The following NEGR1 variants were observed in gnomAD, a reference collection of about 807,000 sequenced individuals.
The protein encoded by NEGR1 is IgLON family member 4.
In NEGR1, 10 loss-of-function variants were observed where a neutral mutation model predicts 40.9. The observed-to-expected ratio is 0.24, with a 90% confidence interval of 0.15 to 0.42. The LOEUF is 0.42. Among genes scored for constraint, NEGR1 ranks in the 10% least tolerant of loss-of-function variants. NEGR1 has a pLI of 1.00. For missense variants in NEGR1, 352 were observed against 438.9 expected (o/e 0.80, Z 1.77); for synonymous variants, 185 against 166.8 (o/e 1.11, Z -0.84).
intron 6 of NEGR1, among the ~76,000 whole-genome samples, chr1:71,525,545 G>A (rs994681848): frequency 2.6e-5 from 4 of 151,676 alleles, no homozygotes; most frequent in Admixed American, 1.3e-4. Context: ...CATTTATGCA[G>A]TGAGTTCAGT....
At chr1:71,865,017 A>G (rs1479174233) in intron 2 of NEGR1, among the ~76,000 whole-genome samples, 2 of 152,158 alleles carry the variant, frequency 1.3e-5, no homozygotes, top group Non-Finnish European at 2.9e-5. Flanking sequence ...CAGTTTTTAG[A>G]GAGGACAGTT....
chr1:71,789,745 C>T (rs1250342478), intron 2 of NEGR1, among the ~76,000 whole-genome samples: 1 of 152,074 alleles, frequency 6.6e-6, no homozygotes, highest in Non-Finnish European at 1.5e-5. Context: ...TGCTCTGGAG[C>T]TACCTCTCCA....
rs1358824115 is a variant in NEGR1, at chr1:72,157,118, T to C, written c.176+125201A>G. 2.6e-5 allele frequency among the ~76,000 whole-genome samples: 4 copies of C among 152,002 alleles called. No homozygotes were observed. The East Asian group carries it at 7.8e-4, about 29-fold the overall frequency. ...GCTGGGACTATAGGCATATGCCACC[T>C]TGTCTGGCTATGTTTTTGTTTCGTT... On this transcript the variant is annotated intron_variant, in intron 1 of 6. Transcript: ENST00000357731.
In NEGR1 at chr1:71,723,466, C is replaced by T. The variant is rs557788691; in HGVS notation, c.536-25327G>A. Among the ~76,000 whole-genome samples the T allele has an allele frequency of 3.7e-4, 56 of 152,162 alleles. 1 individual carries two copies. The highest frequency in any genetic ancestry group is 1.1e-3 in the African/African-American group (47 of 41,552). ...GCAAGGGGCTAGAGAACGAGCTAAT[C>T]ATGAATGGTTAATGATTTAATCAAT... is the stretch of plus-strand genomic sequence containing the variant. On this transcript the variant is annotated intron_variant, in intron 3 of 6. Transcript: ENST00000357731.
intron 1 of NEGR1, among the ~76,000 whole-genome samples, chr1:72,135,375 C>CAAAAAAAAAAAAA (rs71074819): frequency 2.8e-5 from 2 of 71,376 alleles, no homozygotes; most frequent in Non-Finnish European, 2.6e-5. Flanking sequence ...GACTCCGTCT[C>CAAAAAAAAAAAAA]AAAAAAAAAA....
intron 1 of NEGR1, among the ~76,000 whole-genome samples, chr1:72,116,374 A>G (rs1482371965): frequency 2.0e-5 from 3 of 151,738 alleles, no homozygotes; most frequent in Non-Finnish European, 4.4e-5. Flanking sequence ...TGGCATTTTA[A>G]AAGAATTGCT....
At chr1:71,947,788 A>T (rs893988156) in intron 1 of NEGR1, among the ~76,000 whole-genome samples, 2 of 57,604 alleles carry the variant, frequency 3.5e-5, no homozygotes, top group African/African-American at 7.2e-5. Context: ...AAAAAAAAAA[A>T]TATGGAAATT....
chr1:71,744,384 C>A (rs1423473620), intron 3 of NEGR1, among the ~76,000 whole-genome samples: 1 of 141,622 alleles, frequency 7.1e-6, no homozygotes, highest in Non-Finnish European at 1.5e-5. Context: ...ATAAGCCAGG[C>A]AGGTTTAAAA....
chr1:71,457,102 A>G (rs1646678004), intron 6 of NEGR1, among the ~76,000 whole-genome samples: 1 of 152,044 alleles, frequency 6.6e-6, no homozygotes, highest in Non-Finnish European at 1.5e-5. Flanking sequence ...TCAATCAGCC[A>G]CTGGGTCCTG....
At chr1:72,175,116 C>G (rs764976402) in intron 1 of NEGR1, among the ~76,000 whole-genome samples, 8 of 152,014 alleles carry the variant, frequency 5.3e-5, no homozygotes, top group Non-Finnish European at 1.0e-4. Context: ...ATCCCTCCCC[C>G]CTTCCCCCGA....
At chr1:72,065,923 A>T (rs1261738377) in intron 1 of NEGR1, among the ~76,000 whole-genome samples, 1 of 152,110 alleles carries the variant, frequency 6.6e-6, no homozygotes, top group Non-Finnish European at 1.5e-5. Context: ...GAAGAGATAT[A>T]GCCAAATACA....
At chr1:71,910,991 C>G (rs1207825978) in intron 2 of NEGR1, among the ~76,000 whole-genome samples, 1 of 152,098 alleles carries the variant, frequency 6.6e-6, no homozygotes, top group African/African-American at 2.4e-5. Flanking sequence ...AGCCACCACT[C>G]CCAGCCTAGA....
At chr1:72,107,157 G>A (rs1649169520) in intron 1 of NEGR1, among the ~76,000 whole-genome samples, 1 of 151,668 alleles carries the variant, frequency 6.6e-6, no homozygotes, top group Admixed American at 6.6e-5. Context: ...ACATTGAAAT[G>A]ATAACAGAGG....
chr1:71,460,651 C>T (rs770107345), intron 6 of NEGR1, among the ~76,000 whole-genome samples: 1 of 152,082 alleles, frequency 6.6e-6, no homozygotes, highest in Non-Finnish European at 1.5e-5. Flanking sequence ...TCACTGTCAT[C>T]GAGCCTATGA....
intron 2 of NEGR1, among the ~76,000 whole-genome samples, chr1:71,904,584 T>C (rs1031585772): frequency 4.6e-5 from 7 of 152,134 alleles, no homozygotes; most frequent in South Asian, 2.1e-4. Context: ...AAATCTCTTA[T>C]TAGGAAGTAA....
At chr1:72,052,298 T>C (rs1569882623) in intron 1 of NEGR1, among the ~76,000 whole-genome samples, 1 of 151,422 alleles carries the variant, frequency 6.6e-6, no homozygotes, top group East Asian at 1.9e-4. Context: ...TTGCTTTTGC[T>C]GATTTGGCTT....
intron 3 of NEGR1, among the ~76,000 whole-genome samples, chr1:71,705,785 G>C (rs1050915678): frequency 6.7e-6 from 1 of 149,348 alleles, no homozygotes; most frequent in Non-Finnish European, 1.5e-5. Context: ...GCAAAGGAAA[G>C]AAAGGAAAAG....
chr1:71,942,254 G>A (rs1280470521), intron 1 of NEGR1, among the ~76,000 whole-genome samples: 21 of 144,954 alleles, frequency 1.4e-4, no homozygotes, highest in African/African-American at 1.3e-4. Flanking sequence ...CCAAATCCTC[G>A]AACATCTTAA....
intron 1 of NEGR1, among the ~76,000 whole-genome samples, chr1:72,208,761 GTTTA>G (rs774352165): frequency 6.6e-6 from 1 of 151,538 alleles, no homozygotes; most frequent in African/African-American, 2.4e-5. Flanking sequence ...GATTTAAAGA[GTTTA>G]TTTAGGCTAC....
Sources: allele counts gnomAD v4.1 joint callset (sites outside exome capture counted in the v4.1 genomes callset), GRCh38; gene constraint gnomAD v4.1.1; transcripts MANE v1.5; gene names NCBI Gene and HGNC (gene_info 2026-07-23, HGNC 2026-07-21).